Variants in NBAS observed in about 807,000 individuals in gnomAD.
NBAS encodes the protein NAG/BC035112 fusion.
NBAS carries 219 observed loss-of-function variants against 302.5 expected under a neutral mutation model. That is an observed-to-expected ratio of 0.72 (90% CI 0.65 to 0.81). The LOEUF (loss-of-function observed/expected upper bound fraction) is 0.81, where lower values mean the gene tolerates loss of function less well. Among genes scored for constraint, NBAS ranks in the 30% least tolerant of loss-of-function variants. The pLI, the probability that NBAS is intolerant of heterozygous loss-of-function variation, is 0.00. For missense variants in NBAS, 2,932 were observed against 2,841.6 expected (o/e 1.03, Z -0.72); for synonymous variants, 1,118 against 1,021.6 (o/e 1.09, Z -1.80).
chr2:15,506,075 T>C (rs1248672807), intron 10 of NBAS, among the ~76,000 whole-genome samples: 2 of 150,332 alleles, frequency 1.3e-5, no homozygotes, highest in African/African-American at 4.9e-5. Context: ...AGTTAAGAAG[T>C]GAAAAGGAAA....
At chr2:14,821,439 C>A in the NBAS span, among the ~76,000 whole-genome samples, 4 of 152,180 alleles carry the variant, frequency 2.6e-5, no homozygotes, top group African/African-American at 9.7e-5. Context: ...CCACCCTGCC[C>A]GCTCTGGATT....
At chr2:15,404,402 C>G (rs1210247533) in intron 25 of NBAS, among the ~76,000 whole-genome samples, 1 of 152,126 alleles carries the variant, frequency 6.6e-6, no homozygotes, top group Non-Finnish European at 1.5e-5. Flanking sequence ...AGTCAAGGAA[C>G]AATTTGGGAA....
the NBAS span, among the ~76,000 whole-genome samples, chr2:14,920,773 C>CT: frequency 1.6e-4 from 25 of 152,160 alleles, no homozygotes; most frequent in African/African-American, 6.0e-4. Flanking sequence ...TCTCACCTCT[C>CT]TGAGCCTTCA....
At chr2:15,467,473 G>C in intron 18 of NBAS, 66 bp from the exon 19 acceptor site, 1 of 1,435,504 alleles carries the variant, frequency 7.0e-7, no homozygotes, top group South Asian at 1.1e-5. Context: ...GAGTTATAAT[G>C]AAAATGATTA....
chr2:15,521,026 T>C lies in NBAS; in HGVS notation c.747-9676A>G, dbSNP rs144061448. 3.6e-3 allele frequency among the ~76,000 whole-genome samples: 549 copies of C among 152,372 alleles called. 7 individuals carry two copies. Among genetic ancestry groups the C allele is most frequent in the Non-Finnish European group, 1.6e-3 (112 of 68,034 alleles). On this transcript the variant is annotated intron_variant, in intron 9 of 51. Transcript: ENST00000281513. The stretch of plus-strand genomic sequence containing the variant: ...AGCTCTATAAAGTTAATTTCATCTA[T>C]TATAACCTTAACTTCAATTGAAGTC...
chr2:15,512,570 C>A (rs1044153461), intron 9 of NBAS, among the ~76,000 whole-genome samples: 2 of 152,106 alleles, frequency 1.3e-5, no homozygotes, highest in African/African-American at 4.8e-5. Context: ...ATTCAGGTGG[C>A]CCCGAAGTAA....
chr2:15,396,182 T>C lies in NBAS; in HGVS notation c.3134+231A>G, dbSNP rs544082790. ...GCCCAAAGATCACACGACTAGTAAG[T>C]GGCAAGGCCTAAATTTGAACGTAGG... On this transcript the variant is annotated intron_variant, in intron 27 of 51. Transcript: ENST00000281513. 3.3e-5 allele frequency among the ~76,000 whole-genome samples: 5 copies of C among 152,256 alleles called. No individual in the cohort carries two copies. The East Asian group carries it at 7.7e-4, about 23-fold the overall frequency.
At chr2:15,513,631 A>T (rs572635299) in intron 9 of NBAS, among the ~76,000 whole-genome samples, 4 of 151,572 alleles carry the variant, frequency 2.6e-5, no homozygotes, top group Non-Finnish European at 5.9e-5. Flanking sequence ...GAACCCACAC[A>T]CACATAATCA....
At chr2:14,810,599 T>C in the NBAS span, among the ~76,000 whole-genome samples, 2 of 152,224 alleles carry the variant, frequency 1.3e-5, no homozygotes, top group African/African-American at 2.4e-5. Context: ...CAAAAACTAA[T>C]ACAGCTGGTC....
At chr2:15,035,453 C>G in the NBAS span, among the ~76,000 whole-genome samples, 9 of 152,234 alleles carry the variant, frequency 5.9e-5, no homozygotes, top group South Asian at 1.9e-3. Flanking sequence ...AGGCTTAGAA[C>G]CAGAAATGCC....
Position 15,327,727 on chromosome 2 carries a change from G to A in NBAS, c.4582+23C>T, listed in dbSNP as rs773655853. Reference sequence around the variant, plus strand: ...TTCACCTAGAGTTACACACTGTCAAGGGACTAGAACCTTCTCTCTTACCTT... The same window carrying A: ...TTCACCTAGAGTTACACACTGTCAAAGGACTAGAACCTTCTCTCTTACCTT... On this transcript the variant is annotated intron_variant, in intron 38 of 51. Coordinates refer to ENST00000281513, the MANE Select transcript of NBAS (RefSeq NM_015909.4). 16 of 1,613,092 alleles carry A rather than the reference G, an allele frequency of 9.9e-6. No homozygotes were observed. In the African/African-American group the frequency reaches 1.3e-4, roughly 13 times the overall value.
chr2:15,245,513 A>G (rs547685616), intron 44 of NBAS, among the ~76,000 whole-genome samples: 1 of 152,184 alleles, frequency 6.6e-6, no homozygotes, highest in Non-Finnish European at 1.5e-5. Context: ...CCTAATTGAC[A>G]TACTGGGCTT....
chr2:15,184,721 G>A (rs1048573014), intron 50 of NBAS, among the ~76,000 whole-genome samples: 1 of 152,292 alleles, frequency 6.6e-6, no homozygotes, highest in African/African-American at 2.4e-5. Flanking sequence ...AGCAGTCCTC[G>A]GCCTGGGGTT....
intron 35 of NBAS, among the ~76,000 whole-genome samples, chr2:15,345,930 T>G (rs1367738629): frequency 6.6e-6 from 1 of 152,120 alleles, no homozygotes; most frequent in African/African-American, 2.4e-5. Context: ...CAATAAATGG[T>G]GGCGGGAGAA....
chr2:15,270,515 A>G (rs1324437661), intron 44 of NBAS, among the ~76,000 whole-genome samples: 1 of 152,186 alleles, frequency 6.6e-6, no homozygotes, highest in Non-Finnish European at 1.5e-5. Flanking sequence ...TTCATAAACA[A>G]AAACTCTTTA....
intron 9 of NBAS, among the ~76,000 whole-genome samples, chr2:15,517,281 T>C (rs1393113127): frequency 6.6e-6 from 1 of 152,180 alleles, no homozygotes; most frequent in Non-Finnish European, 1.5e-5. Context: ...GGTAGTTTTT[T>C]GATCCCCACA....
chr2:15,209,333 A>G (rs2147857347), intron 48 of NBAS, among the ~76,000 whole-genome samples: 1 of 152,296 alleles, frequency 6.6e-6, no homozygotes, highest in East Asian at 1.9e-4. Context: ...CTGGGACTGG[A>G]TAGCTTCACT....
chr2:15,157,959 GA>G, the NBAS span, among the ~76,000 whole-genome samples: 1 of 152,170 alleles, frequency 6.6e-6, no homozygotes, highest in Non-Finnish European at 1.5e-5. Context: ...GGAACAATAT[GA>G]ATAGTCCTGC....
chr2:15,184,960 G>A (rs13432430), intron 50 of NBAS, among the ~76,000 whole-genome samples: 34 of 152,318 alleles, frequency 2.2e-4, no homozygotes, highest in Admixed American at 5.2e-4. Context: ...TCATCTAGAT[G>A]CTAAATTCTA....
Sources: gnomAD v4.1 joint callset for allele counts (sites outside exome capture counted in the v4.1 genomes callset) on GRCh38, gnomAD v4.1.1 for gene constraint, MANE v1.5 for transcripts, NCBI Gene and HGNC (gene_info 2026-07-23, HGNC 2026-07-21) for gene names.